The following KIF4A variants were observed in gnomAD, a reference collection of about 807,000 sequenced individuals.
KIF4A encodes chromosome-associated kinesin KIF4A.
Under a neutral mutation model 105.9 loss-of-function variants are expected in KIF4A, and 7 were observed. The ratio of observed to expected loss-of-function variants is 0.07; its 90% CI spans 0.04 to 0.12. KIF4A has a LOEUF of 0.12. Among genes scored for constraint, KIF4A ranks in the 10% least tolerant of loss-of-function variants. The pLI is 1.00. For missense variants in KIF4A, 558 were observed against 929.2 expected (o/e 0.60, Z 5.19); for synonymous variants, 281 against 331.3 (o/e 0.85, Z 1.65).
chrX:70,342,853 A>G (rs1432888309), intron 11 of KIF4A, among the ~76,000 whole-genome samples: 1 of 112,560 alleles, frequency 8.9e-6, no homozygotes, highest in Non-Finnish European at 1.9e-5. Context: ...CTGTTGTAAC[A>G]GAAACTACTT....
In KIF4A at chrX:70,374,170, A is replaced by G; in HGVS notation, c.1694A>G (p.Glu565Gly). The change falls in exon 16 of 31, where the codon GAA becomes GGA. Residue 565 changes from glutamate (E) to glycine (G), a missense_variant. By Grantham distance (98) the Glu-to-Gly change is moderately conservative. Coordinates refer to ENST00000374403, the MANE Select transcript of KIF4A (RefSeq NM_012310.5). ...TTCTAGGATAACATAAAAGAGCTAGAATTAGAAGTCATCAATCTGCAAAAG... is the reference window on the plus strand; with the variant it reads ...TTCTAGGATAACATAAAAGAGCTAGGATTAGAAGTCATCAATCTGCAAAAG... Reference protein sequence around the residue: ...YQYQDNIKELELEVINLQKEK... With the variant: ...YQYQDNIKELGLEVINLQKEK... 1.7e-6 allele frequency: 2 copies of G among 1,187,530 alleles called. No individual in the cohort carries two copies.
chrX:70,324,366 C>T lies in KIF4A; in HGVS notation c.779-5039C>T, dbSNP rs773420764. Among the ~76,000 whole-genome samples, 12 of 112,186 alleles carry T rather than the reference C, an allele frequency of 1.1e-4. No individual in the cohort carries two copies. In the South Asian group the frequency reaches 1.1e-3, roughly 10 times the overall value. On this transcript the variant is annotated intron_variant, in intron 7 of 30. Coordinates refer to ENST00000374403, the MANE Select transcript of KIF4A (RefSeq NM_012310.5). ...TCTTATTTTCCTGCTACCTGTGCCC[C>T]GCACTGTGCCTTAACACAATAGGTA...
chrX:70,301,232 G>A (rs1164154789), intron 5 of KIF4A, among the ~76,000 whole-genome samples: 1 of 111,616 alleles, frequency 9.0e-6, no homozygotes, highest in Non-Finnish European at 1.9e-5. Flanking sequence ...AAGTGGTAAG[G>A]TAGATCATTA....
intron 18 of KIF4A, among the ~76,000 whole-genome samples, chrX:70,379,333 T>C (rs1785443857): frequency 9.0e-6 from 1 of 111,261 alleles, no homozygotes; most frequent in South Asian, 3.8e-4. Flanking sequence ...AGTAGACAAA[T>C]GCCTGGAAAG....
At chrX:70,358,488 A>G (rs1011037013) in intron 15 of KIF4A, among the ~76,000 whole-genome samples, 1 of 111,888 alleles carries the variant, frequency 8.9e-6, no homozygotes, top group African/African-American at 3.2e-5. Flanking sequence ...TCATTTGGCT[A>G]TTAATTTCCA....
chrX:70,350,120 A>G (rs1407522545), intron 13 of KIF4A, among the ~76,000 whole-genome samples: 1 of 113,008 alleles, frequency 8.8e-6, no homozygotes, highest in African/African-American at 3.2e-5. Context: ...TAGCACTTTC[A>G]GAGGCCAAGG....
rs772278137 is a variant in KIF4A, at chrX:70,406,906, G to A, written c.3086G>A (p.Arg1029His). The A allele has an allele frequency of 9.9e-6, 12 of 1,209,489 alleles. No homozygotes were observed. The highest frequency in any genetic ancestry group is 1.8e-5 in the South Asian group (1 of 56,789). Residue 1029 changes from arginine to histidine, a missense_variant, in exon 28 of 31, where the codon CGT (arginine) becomes CAT (histidine). Physicochemically the swap from Arg to His is conservative, Grantham distance 29. Transcript: ENST00000374403. ...EYVPPKPKPSRVKEKFLEQSM... is the reference protein window; with the variant it reads ...EYVPPKPKPSHVKEKFLEQSM... ...CTTTTTTCCTAGCCAAAACCTTCTC[G>A]TGTTAAAGAAAAGTTCCTGGAGCAA...
chrX:70,300,855 T>C (rs2085802024), intron 5 of KIF4A, among the ~76,000 whole-genome samples: 2 of 112,101 alleles, frequency 1.8e-5, no homozygotes, highest in African/African-American at 6.5e-5. Flanking sequence ...ATCTTCGTTA[T>C]CTAGCACAGG....
At chrX:70,319,135 C>T (rs942045718) in intron 7 of KIF4A, among the ~76,000 whole-genome samples, 5 of 110,619 alleles carry the variant, frequency 4.5e-5, no homozygotes, top group Non-Finnish European at 5.7e-5. Context: ...TGGTGGCGGG[C>T]GCCTGTAGTC....
chrX:70,352,173 G>A (rs759123828), intron 13 of KIF4A, among the ~76,000 whole-genome samples: 3 of 112,142 alleles, frequency 2.7e-5, no homozygotes, highest in South Asian at 7.4e-4. Flanking sequence ...ATGTCTGTTC[G>A]TAGAATGGTA....
intron 5 of KIF4A, among the ~76,000 whole-genome samples, chrX:70,301,120 A>G (rs897944762): frequency 2.7e-5 from 3 of 111,639 alleles, no homozygotes; most frequent in African/African-American, 9.8e-5. Context: ...TTTTGAGAAT[A>G]TGAGACAAGA....
chrX:70,388,281 T>C (rs1327509056), intron 20 of KIF4A, among the ~76,000 whole-genome samples: 1 of 111,912 alleles, frequency 8.9e-6, no homozygotes, highest in East Asian at 2.8e-4. Context: ...ATACCATAAT[T>C]TGTTTTTATA....
intron 15 of KIF4A, among the ~76,000 whole-genome samples, chrX:70,359,562 A>G (rs771133444): frequency 9.1e-6 from 1 of 109,356 alleles, no homozygotes; most frequent in South Asian, 4.1e-4. Flanking sequence ...ACAGCAGCAA[A>G]GGCCCAGGAT....
intron 3 of KIF4A, among the ~76,000 whole-genome samples, chrX:70,292,301 A>G (rs970230136): frequency 8.9e-6 from 1 of 112,470 alleles, no homozygotes; most frequent in Admixed American, 9.4e-5. Flanking sequence ...ATCTAGTTCA[A>G]AATCACGTTT....
chrX:70,413,422 T>C (rs1377261502), intron 28 of KIF4A, among the ~76,000 whole-genome samples: 1 of 110,580 alleles, frequency 9.0e-6, no homozygotes, highest in Non-Finnish European at 1.9e-5. Flanking sequence ...TCACTTGATG[T>C]CAGGAGTTCA....
intron 15 of KIF4A, among the ~76,000 whole-genome samples, chrX:70,371,137 T>C (rs1466085695): frequency 9.1e-6 from 1 of 110,175 alleles, no homozygotes; most frequent in African/African-American, 3.3e-5. Context: ...GGCTGCCAAC[T>C]ACTCATCCAG....
chrX:70,353,253 A>G (rs922353932), intron 14 of KIF4A, among the ~76,000 whole-genome samples: 5 of 112,170 alleles, frequency 4.5e-5, no homozygotes, highest in Admixed American at 1.9e-4. Flanking sequence ...TAGGTCAGGT[A>G]CTAGAGGTCA....
intron 20 of KIF4A, among the ~76,000 whole-genome samples, chrX:70,392,177 A>T (rs1457240251): frequency 9.0e-6 from 1 of 111,686 alleles, no homozygotes; most frequent in Non-Finnish European, 1.9e-5. Flanking sequence ...CCTCAGAAAG[A>T]GCTGGGAAGT....
chrX:70,368,184 T>C (rs984857315), intron 15 of KIF4A, among the ~76,000 whole-genome samples: 4 of 111,876 alleles, frequency 3.6e-5, no homozygotes, highest in Non-Finnish European at 1.9e-5. Context: ...AACTTCTTTG[T>C]CATGGGTTCG....
Sources: gnomAD v4.1 joint callset for allele counts (sites outside exome capture counted in the v4.1 genomes callset) on GRCh38, gnomAD v4.1.1 for gene constraint, MANE v1.5 for transcripts, NCBI Gene and HGNC (gene_info 2026-07-23, HGNC 2026-07-21) for gene names.